Variants in LINGO2 observed in about 807,000 individuals in gnomAD.
LINGO2 encodes leucine rich repeat and Ig domain containing 2.
Under a neutral mutation model 30.6 loss-of-function variants are expected in LINGO2, and 14 were observed. The observed-to-expected ratio is 0.46, with a 90% confidence interval of 0.30 to 0.72. The LOEUF (loss-of-function observed/expected upper bound fraction) is 0.72, where lower values mean the gene tolerates loss of function less well. Ranked by LOEUF, LINGO2 falls within the 30% of genes least tolerant of loss-of-function variation. The pLI, the probability that LINGO2 is intolerant of heterozygous loss-of-function variation, is 0.07. For synonymous variants in LINGO2, 317 were observed against 288.5 expected (o/e 1.10, Z -1.00); for missense variants, 729 against 751.7 (o/e 0.97, Z 0.35).
the LINGO2 span, among the ~76,000 whole-genome samples, chr9:28,990,832 C>T: frequency 5.3e-5 from 8 of 152,252 alleles, no homozygotes; most frequent in Middle Eastern, 3.4e-3. Flanking sequence ...AAAGAAAGGA[C>T]ATCCACACCA....
the LINGO2 span, among the ~76,000 whole-genome samples, chr9:28,757,852 G>A: frequency 6.6e-6 from 1 of 152,036 alleles, no homozygotes; most frequent in Non-Finnish European, 1.5e-5. Context: ...GGCTTTCCCA[G>A]ATAACTCCTA....
intron 1 of LINGO2, among the ~76,000 whole-genome samples, chr9:28,499,394 G>C (rs907142321): frequency 6.6e-6 from 1 of 152,096 alleles, no homozygotes; most frequent in Non-Finnish European, 1.5e-5. Flanking sequence ...ATAGTTCCAG[G>C]AGCCTGTTGT....
the LINGO2 span, among the ~76,000 whole-genome samples, chr9:28,984,629 A>G: frequency 5.3e-5 from 8 of 152,122 alleles, no homozygotes; most frequent in Non-Finnish European, 1.2e-4. Flanking sequence ...TCATTAAAAT[A>G]GAAAAGATCA....
intron 4 of LINGO2, among the ~76,000 whole-genome samples, chr9:28,111,435 C>G (rs555644165): frequency 1.3e-5 from 2 of 151,760 alleles, no homozygotes; most frequent in African/African-American, 4.8e-5. Flanking sequence ...AACGAAGAGG[C>G]TGACATCATG....
At chr9:28,355,390 T>C (rs1820156883) in intron 3 of LINGO2, among the ~76,000 whole-genome samples, 1 of 150,816 alleles carries the variant, frequency 6.6e-6, no homozygotes, top group African/African-American at 2.4e-5. Flanking sequence ...TGTGTGTGTG[T>C]GTGTGTGTGT....
At position 28,615,877 on chromosome 9, in the gene LINGO2, T is replaced by G. The variant is rs904733183; in HGVS notation, c.-365+54323A>C. ...GTCATTAAACAGCATTGATGGATCT[T>G]GTAAACAGGAGAGTAAAAAAAGCAG... On this transcript the variant is annotated intron_variant, in intron 1 of 5. Transcript: ENST00000379992. Among the ~76,000 whole-genome samples the G allele has an allele frequency of 5.9e-5, 9 of 152,132 alleles. 1 individual carries two copies. The highest frequency in any genetic ancestry group is 2.2e-4 in the African/African-American group (9 of 41,432).
chr9:28,588,230 G>A lies in LINGO2; in HGVS notation c.-365+81970C>T, dbSNP rs73644082. Among the ~76,000 whole-genome samples, 1,506 of 151,732 alleles carry A rather than the reference G, an allele frequency of 9.9e-3. 24 individuals are homozygous for A. Among genetic ancestry groups the A allele is most frequent in the African/African-American group, 0.032 (1,334 of 41,466 alleles). On this transcript the variant is annotated intron_variant, in intron 1 of 5. Transcript: ENST00000379992. ...CTCCTACACAACCTCCCACCTATGT[G>A]GAAGAGTTAATATGGTCCAAAGGAA...
At chr9:29,160,071 G>A in the LINGO2 span, among the ~76,000 whole-genome samples, 2 of 152,140 alleles carry the variant, frequency 1.3e-5, no homozygotes, top group Non-Finnish European at 2.9e-5. Flanking sequence ...AATCTTTATA[G>A]TATATCAGAA....
the LINGO2 span, among the ~76,000 whole-genome samples, chr9:29,213,504 A>C: frequency 6.6e-6 from 1 of 152,042 alleles, no homozygotes; most frequent in Non-Finnish European, 1.5e-5. Flanking sequence ...CGGCGGCGCC[A>C]GGTGAGGAGG....
At chr9:28,872,025 C>T in the LINGO2 span, among the ~76,000 whole-genome samples, 1 of 151,928 alleles carries the variant, frequency 6.6e-6, no homozygotes, top group Admixed American at 6.6e-5. Flanking sequence ...GATTTCCTCT[C>T]AATTTATAAT....
At chr9:28,090,273 C>T (rs543109976) in intron 4 of LINGO2, among the ~76,000 whole-genome samples, 3 of 152,120 alleles carry the variant, frequency 2.0e-5, no homozygotes, top group Admixed American at 1.3e-4. Context: ...AAGAGAATTT[C>T]AGACCAATAT....
At chr9:28,086,589 G>A (rs184841832) in intron 4 of LINGO2, among the ~76,000 whole-genome samples, 25 of 152,016 alleles carry the variant, frequency 1.6e-4, no homozygotes, top group Non-Finnish European at 2.9e-4. Context: ...TAATTTGGGC[G>A]TACTTAATTT....
chr9:28,996,420 C>T, the LINGO2 span, among the ~76,000 whole-genome samples: 1 of 152,008 alleles, frequency 6.6e-6, no homozygotes, highest in East Asian at 1.9e-4. Context: ...GGAATCATAC[C>T]ATTTTCTAGG....
At chr9:28,890,695 A>C in the LINGO2 span, among the ~76,000 whole-genome samples, 1 of 152,034 alleles carries the variant, frequency 6.6e-6, no homozygotes, top group Admixed American at 6.6e-5. Flanking sequence ...TATTTATGTA[A>C]ATCATATGCT....
the LINGO2 span, among the ~76,000 whole-genome samples, chr9:29,047,040 C>CA: frequency 9.9e-3 from 665 of 66,896 alleles, 49 homozygotes; most frequent in Middle Eastern, 0.027. Flanking sequence ...AAGACTGTCT[C>CA]AAAAAAAAAA....
At chr9:28,687,443 G>T in the LINGO2 span, among the ~76,000 whole-genome samples, 2 of 152,116 alleles carry the variant, frequency 1.3e-5, no homozygotes, top group African/African-American at 4.8e-5. Flanking sequence ...TTCTTAAAAT[G>T]TCAAAGGCAG....
At chr9:28,680,950 T>C in the LINGO2 span, among the ~76,000 whole-genome samples, 24,883 of 152,018 alleles carry the variant, frequency 0.16, 2,795 homozygotes, top group African/African-American at 0.32. Flanking sequence ...CAGTTTTATA[T>C]AACACCATTA....
chr9:28,540,478 G>C (rs1247525361), intron 1 of LINGO2, among the ~76,000 whole-genome samples: 1 of 151,874 alleles, frequency 6.6e-6, no homozygotes, highest in Admixed American at 6.6e-5. Flanking sequence ...GCTAGGCTGG[G>C]CTCGAATTCC....
intron 4 of LINGO2, among the ~76,000 whole-genome samples, chr9:28,160,182 A>T (rs968805231): frequency 1.4e-4 from 22 of 152,166 alleles, no homozygotes; most frequent in African/African-American, 5.1e-4. Flanking sequence ...GATAAGAGAG[A>T]TCTGTTGAAC....
Sources: gnomAD v4.1 joint callset for allele counts (sites outside exome capture counted in the v4.1 genomes callset) on GRCh38, gnomAD v4.1.1 for gene constraint, MANE v1.5 for transcripts, NCBI Gene and HGNC (gene_info 2026-07-23, HGNC 2026-07-21) for gene names.